KIF13B: variants seen among roughly 807,000 people sequenced by gnomAD.
KIF13B encodes the protein kinesin family member 13B.
Under a neutral mutation model 222.0 loss-of-function variants are expected in KIF13B, and 127 were observed. That is an observed-to-expected ratio of 0.57 (90% CI 0.50 to 0.66). KIF13B has a LOEUF of 0.66. Among genes scored for constraint, KIF13B ranks in the 30% least tolerant of loss-of-function variants. The pLI is 0.00. For missense variants in KIF13B, 2,173 were observed against 2,379.0 expected (o/e 0.91, Z 1.80); for synonymous variants, 976 against 919.0 (o/e 1.06, Z -1.12).
chr8:29,146,301 G>A (rs1399719546), intron 18 of KIF13B, 77 bp downstream of exon 18: 1 of 1,480,260 alleles, frequency 6.8e-7, no homozygotes, highest in Admixed American at 1.7e-5. Flanking sequence ...GGGATCTGAA[G>A]CTTAAATAAC....
chr8:29,228,845 A>T (rs1372316508), intron 2 of KIF13B, among the ~76,000 whole-genome samples: 2 of 152,112 alleles, frequency 1.3e-5, no homozygotes, highest in African/African-American at 4.8e-5. Flanking sequence ...AACTCTAAAC[A>T]TAGAAGGTTG....
intron 2 of KIF13B, among the ~76,000 whole-genome samples, chr8:29,201,228 C>T (rs1302302789): frequency 6.6e-6 from 1 of 152,190 alleles, no homozygotes; most frequent in Non-Finnish European, 1.5e-5. Context: ...TTTTTGGAAG[C>T]AGGCAGCTTG....
At chr8:29,146,296 C>G (rs754377992) in intron 18 of KIF13B, 82 bp downstream of exon 18, 5 of 1,444,394 alleles carry the variant, frequency 3.5e-6, no homozygotes, top group Admixed American at 1.7e-5. Flanking sequence ...AGACAGGGAT[C>G]TGAAGCTTAA....
intron 22 of KIF13B, among the ~76,000 whole-genome samples, chr8:29,132,801 G>T (rs1048827540): frequency 2.0e-4 from 31 of 152,164 alleles, no homozygotes; most frequent in African/African-American, 7.2e-4. Flanking sequence ...GATCTATAAT[G>T]TGTTGATATA....
At chr8:29,113,654 AAGAAAACAGAGC>A (rs1426684847) in intron 31 of KIF13B, 99 bp from the exon 32 acceptor site, 1 of 730,194 alleles carries the variant, frequency 1.4e-6, no homozygotes, top group Non-Finnish European at 2.3e-6. Flanking sequence ...TTCTAACCAA[AAGAAAACAGAGC>A]AGGTTTCCAA....
chr8:29,098,046 C>G (rs1268940283), intron 36 of KIF13B, among the ~76,000 whole-genome samples: 1 of 151,496 alleles, frequency 6.6e-6, no homozygotes, highest in Non-Finnish European at 1.5e-5. Context: ...TGGCACGTGC[C>G]TGCAGTCCCA....
chr8:29,217,792 C>T (rs909053530), intron 2 of KIF13B, among the ~76,000 whole-genome samples: 4 of 152,204 alleles, frequency 2.6e-5, no homozygotes, highest in Non-Finnish European at 4.4e-5. Flanking sequence ...AAAACCTCCC[C>T]CACCATACTC....
rs1586844213 is a variant in KIF13B at position 29,148,749 on chromosome 8, C to T, written c.1641G>A (p.Lys547=). The T allele has an allele frequency of 1.3e-6, 2 of 1,595,776 alleles. No homozygotes were observed. Among genetic ancestry groups the T allele is most frequent in the African/African-American group, 1.3e-5 (1 of 74,174 alleles). ...CATCCTCTCGTTCTGCTTTCTTTTT[C>T]TTTTTAGGCAAATTGAGTCTTGGTG... ...NHFFRLNLPK[K]KKKAEREDED... is the part of the protein sequence containing the mutation. Residue 547 remains lysine (K), a synonymous_variant, in exon 16 of 40, where the codon AAG becomes AAA. Transcript: ENST00000524189.
intron 2 of KIF13B, among the ~76,000 whole-genome samples, chr8:29,228,472 A>AAAAAAAAAAAAAAAATATATATATATAT: frequency 7.7e-5 from 9 of 117,074 alleles, no homozygotes; most frequent in African/African-American, 1.3e-4. Flanking sequence ...ATCTTAAAAA[A>AAAAAAAAAAAAAAAATATATATATATAT]ATATATATAT....
intron 2 of KIF13B, among the ~76,000 whole-genome samples, chr8:29,204,772 A>G (rs920301372): frequency 6.7e-6 from 1 of 148,778 alleles, no homozygotes; most frequent in Admixed American, 6.7e-5. Context: ...CCACAGACCA[A>G]AAAAAAAAAA....
intron 2 of KIF13B, among the ~76,000 whole-genome samples, chr8:29,232,460 A>G (rs1252242853): frequency 1.4e-5 from 2 of 147,864 alleles, no homozygotes; most frequent in African/African-American, 4.9e-5. Flanking sequence ...ATATATACTT[A>G]TAAAGAAAGA....
chr8:29,163,193 T>A (rs1006883871), intron 12 of KIF13B, among the ~76,000 whole-genome samples: 4 of 152,196 alleles, frequency 2.6e-5, no homozygotes, highest in Non-Finnish European at 5.9e-5. Context: ...TGCAAAAATA[T>A]TACTGAGCAT....
Position 29,203,602 on chromosome 8 carries a change from C to G in KIF13B, c.150-7403G>C, listed in dbSNP as rs529635110. Among the ~76,000 whole-genome samples the G allele has an allele frequency of 5.3e-5, 8 of 152,102 alleles. 1 individual carries two copies. The highest frequency in any genetic ancestry group is 1.0e-4 in the Non-Finnish European group (7 of 68,016). ...ACAACTGAAACACACGACATTAAGA[C>G]AGAAAATGCGCCAGGTGCGGTGGCT... is the stretch of plus-strand genomic sequence containing the variant. On this transcript the variant is annotated intron_variant, in intron 2 of 39. Coordinates refer to ENST00000524189, the MANE Select transcript of KIF13B (RefSeq NM_015254.4).
intron 37 of KIF13B, among the ~76,000 whole-genome samples, chr8:29,085,956 C>T (rs1309150366): frequency 1.3e-5 from 2 of 151,868 alleles, no homozygotes; most frequent in Admixed American, 6.6e-5. Context: ...GGCCCTAGGA[C>T]CCTCCACTGC....
At chr8:29,174,912 T>G (rs1461597290) in intron 10 of KIF13B, among the ~76,000 whole-genome samples, 2 of 152,158 alleles carry the variant, frequency 1.3e-5, no homozygotes, top group African/African-American at 4.8e-5. Context: ...AACCCCTACT[T>G]CATTTCACAA....
At chr8:29,147,248 G>C in intron 17 of KIF13B, 144 bp downstream of exon 17, 1 of 643,360 alleles carries the variant, frequency 1.6e-6, no homozygotes, top group Non-Finnish European at 2.7e-6. Context: ...CAAATGCAAA[G>C]TGGTTCTTGG....
intron 2 of KIF13B, among the ~76,000 whole-genome samples, chr8:29,232,627 T>C (rs1315674964): frequency 1.3e-5 from 2 of 152,162 alleles, no homozygotes; most frequent in African/African-American, 2.4e-5. Flanking sequence ...TACTTAGGAA[T>C]ATTTTTAAAT....
intron 2 of KIF13B, among the ~76,000 whole-genome samples, chr8:29,226,551 T>C (rs1364859334): frequency 1.3e-5 from 2 of 152,158 alleles, no homozygotes; most frequent in Admixed American, 6.5e-5. Flanking sequence ...CATCCAACCC[T>C]TGGAGCAATT....
At chr8:29,123,946 T>C (rs1481822146) in intron 27 of KIF13B, 78 bp downstream of exon 27, 1 of 862,040 alleles carries the variant, frequency 1.2e-6, no homozygotes, top group African/African-American at 1.7e-5. Flanking sequence ...GGTTCTTAAC[T>C]GATGTGGCTA....
Sources: allele counts gnomAD v4.1 joint callset (sites outside exome capture counted in the v4.1 genomes callset), GRCh38; gene constraint gnomAD v4.1.1; transcripts MANE v1.5; gene names NCBI Gene and HGNC (gene_info 2026-07-23, HGNC 2026-07-21).